Variants in NKAIN2 observed in about 807,000 individuals in gnomAD.
The protein encoded by NKAIN2 is sodium/potassium-transporting ATPase subunit beta-1-interacting protein 2.
NKAIN2 carries 14 observed loss-of-function variants against 32.6 expected under a neutral mutation model. The observed-to-expected ratio is 0.43, with a 90% CI of 0.28 to 0.67. The LOEUF is 0.67. NKAIN2 is among the 30% of genes least tolerant of loss of function. NKAIN2 has a pLI of 0.17. For missense variants in NKAIN2, 198 were observed against 258.3 expected (o/e 0.77, Z 1.60); for synonymous variants, 80 against 87.2 (o/e 0.92, Z 0.46).
At chr6:124,185,674 A>G (rs1033376959) in intron 1 of NKAIN2, among the ~76,000 whole-genome samples, 2 of 152,122 alleles carry the variant, frequency 1.3e-5, no homozygotes, top group Non-Finnish European at 2.9e-5. Context: ...TGTGTGTACA[A>G]ATATACTTTT....
chr6:124,518,819 A>C (rs1434440199), intron 3 of NKAIN2, among the ~76,000 whole-genome samples: 1 of 152,212 alleles, frequency 6.6e-6, no homozygotes, highest in African/African-American at 2.4e-5. Context: ...TCACATGAGC[A>C]AGAGGAACAA....
intron 3 of NKAIN2, chr6:124,437,872 A>ATTTTTTTTTTTTTTTTTTTTTTTTTT: frequency 2.9e-6 from 1 of 342,760 alleles, no homozygotes; most frequent in Non-Finnish European, 5.5e-6. Flanking sequence ...TGATCTATTG[A>ATTTTTTTTTTTTTTTTTTTTTTTTTT]TTTTTTTTTT....
intron 1 of NKAIN2, among the ~76,000 whole-genome samples, chr6:124,121,297 A>C (rs1393521892): frequency 6.6e-6 from 1 of 152,072 alleles, no homozygotes; most frequent in African/African-American, 2.4e-5. Context: ...AAGTTGTAAG[A>C]AGCCATTTGT....
At chr6:124,362,389 A>G (rs1799327233) in intron 3 of NKAIN2, among the ~76,000 whole-genome samples, 1 of 152,122 alleles carries the variant, frequency 6.6e-6, no homozygotes, top group African/African-American at 2.4e-5. Flanking sequence ...GTCAGTCACA[A>G]TCTCTCTTCT....
At chr6:124,123,255 A>C (rs559270025) in intron 1 of NKAIN2, among the ~76,000 whole-genome samples, 21 of 152,144 alleles carry the variant, frequency 1.4e-4, no homozygotes, top group African/African-American at 4.8e-4. Context: ...TGACTCTCTG[A>C]TGGAAGACAG....
chr6:124,627,373 G>C (rs1175651612), intron 3 of NKAIN2, among the ~76,000 whole-genome samples: 2 of 152,138 alleles, frequency 1.3e-5, no homozygotes, highest in East Asian at 3.9e-4. Flanking sequence ...AATCAAGGAA[G>C]AAAGTATGCA....
intron 5 of NKAIN2, among the ~76,000 whole-genome samples, chr6:124,806,993 T>C (rs1197690868): frequency 6.6e-6 from 1 of 152,098 alleles, no homozygotes; most frequent in Non-Finnish European, 1.5e-5. Context: ...ATAAAGCAAG[T>C]CCTGAGTGAC....
chr6:124,454,107 G>GGC (rs1562195114), intron 3 of NKAIN2, among the ~76,000 whole-genome samples: 6 of 30,272 alleles, frequency 2.0e-4, no homozygotes, highest in South Asian at 2.6e-3. Context: ...TTTTTTTTTT[G>GGC]GGGGGGGGGG....
At chr6:124,766,173 C>A (rs1778505727) in intron 4 of NKAIN2, among the ~76,000 whole-genome samples, 1 of 152,132 alleles carries the variant, frequency 6.6e-6, no homozygotes, top group Non-Finnish European at 1.5e-5. Flanking sequence ...AAGGTACTAC[C>A]TTTCCATGAG....
chr6:124,226,414 T>G (rs907924294), intron 1 of NKAIN2, among the ~76,000 whole-genome samples: 3 of 152,062 alleles, frequency 2.0e-5, no homozygotes, highest in African/African-American at 7.2e-5. Flanking sequence ...GTGTTCTAAC[T>G]TTTTGCTGTT....
At chr6:124,071,648 T>C (rs1048456608) in intron 1 of NKAIN2, among the ~76,000 whole-genome samples, 3 of 151,994 alleles carry the variant, frequency 2.0e-5, no homozygotes, top group Admixed American at 2.0e-4. Context: ...AAATAACCCC[T>C]TTAAAAATGG....
intron 1 of NKAIN2, among the ~76,000 whole-genome samples, chr6:124,223,171 C>T (rs1016876436): frequency 7.2e-6 from 1 of 139,640 alleles, no homozygotes. Flanking sequence ...GGAGATTGCG[C>T]CACTGTACTC....
chr6:124,219,088 C>G (rs2114687633), intron 1 of NKAIN2, among the ~76,000 whole-genome samples: 1 of 152,202 alleles, frequency 6.6e-6, no homozygotes, highest in Non-Finnish European at 1.5e-5. Flanking sequence ...GTGGGAATAA[C>G]AGGTTGCTCC....
intron 1 of NKAIN2, among the ~76,000 whole-genome samples, chr6:124,138,574 T>C (rs905212693): frequency 4.7e-5 from 7 of 147,442 alleles, no homozygotes; most frequent in Non-Finnish European, 7.4e-5. Context: ...AATTGCAAAA[T>C]ATGAAACTAA....
chr6:124,757,103 T>C (rs565174924), intron 4 of NKAIN2, among the ~76,000 whole-genome samples: 80 of 152,224 alleles, frequency 5.3e-4, no homozygotes, highest in African/African-American at 1.9e-3. Flanking sequence ...TTCCCTCCAC[T>C]GTCGCCCTTT....
At chr6:124,322,137 C>G (rs1797224082) in intron 2 of NKAIN2, among the ~76,000 whole-genome samples, 1 of 151,830 alleles carries the variant, frequency 6.6e-6, no homozygotes, top group South Asian at 2.1e-4. Context: ...ACTTTGTAAA[C>G]CAGATTTAGT....
At chr6:124,686,679 T>C (rs900223021) in intron 4 of NKAIN2, among the ~76,000 whole-genome samples, 12 of 152,204 alleles carry the variant, frequency 7.9e-5, no homozygotes, top group Admixed American at 3.3e-4. Context: ...CAGGTAATCC[T>C]GTATATGCAT....
chr6:124,304,670 CT>C (rs1287515709), intron 2 of NKAIN2, among the ~76,000 whole-genome samples: 1 of 151,704 alleles, frequency 6.6e-6, no homozygotes, highest in Non-Finnish European at 1.5e-5. Flanking sequence ...AATCCCAGCA[CT>C]TTGGGAGGCC....
intron 2 of NKAIN2, among the ~76,000 whole-genome samples, chr6:124,352,471 G>A (rs966554187): frequency 2.6e-5 from 4 of 152,118 alleles, no homozygotes; most frequent in Admixed American, 6.5e-5. Flanking sequence ...TTTTAGTTAT[G>A]AAATTAAAAA....
Sources: gnomAD v4.1 joint callset for allele counts (sites outside exome capture counted in the v4.1 genomes callset) on GRCh38, gnomAD v4.1.1 for gene constraint, MANE v1.5 for transcripts, NCBI Gene and HGNC (gene_info 2026-07-23, HGNC 2026-07-21) for gene names.